The following ATAD2B variants were observed in gnomAD, a reference collection of about 807,000 sequenced individuals.
ATAD2B encodes ATPase family AAA domain-containing protein 2B.
In ATAD2B, 40 loss-of-function variants were observed where a neutral mutation model predicts 167.6. That is an observed-to-expected ratio of 0.24 (90% CI 0.19 to 0.31). The LOEUF is 0.31. Ranked by LOEUF, ATAD2B falls within the 10% of genes least tolerant of loss-of-function variation. The probability of loss-of-function intolerance (pLI) is 1.00; values close to 1 mark genes in which losing one functional copy is unlikely to be tolerated. For missense variants in ATAD2B, 1,242 were observed against 1,757.2 expected, an observed-to-expected ratio of 0.71 and a Z score of 5.24; for synonymous variants, 579 against 596.5, an observed-to-expected ratio of 0.97 and a Z score of 0.43.
intron 19 of ATAD2B, among the ~76,000 whole-genome samples, chr2:23,793,284 T>C (rs912304010): frequency 9.2e-5 from 14 of 152,354 alleles, no homozygotes; most frequent in East Asian, 3.9e-4. Flanking sequence ...TACTGAATTA[T>C]ATAATCTTAA....
intron 22 of ATAD2B, among the ~76,000 whole-genome samples, chr2:23,768,302 GGTA>G (rs1167312543): frequency 1.3e-5 from 2 of 152,100 alleles, no homozygotes; most frequent in Non-Finnish European, 2.9e-5. Flanking sequence ...GGGAGGGAAA[GGTA>G]GTAGGACTGC....
intron 17 of ATAD2B, among the ~76,000 whole-genome samples, chr2:23,815,913 T>C (rs1226007053): frequency 1.3e-5 from 2 of 152,196 alleles, no homozygotes; most frequent in Non-Finnish European, 2.9e-5. Context: ...ACATTTATTA[T>C]TTTACTGAAT....
the ATAD2B span, chr2:23,688,852 G>C: frequency 6.6e-6 from 1 of 152,320 alleles, no homozygotes; most frequent in Non-Finnish European, 1.5e-5. Context: ...GAAATGGCTT[G>C]GGGCAGGGAC....
chr2:23,708,950 C>T, the ATAD2B span, among the ~76,000 whole-genome samples: 4 of 152,250 alleles, frequency 2.6e-5, no homozygotes, highest in Admixed American at 6.5e-5. Context: ...CTTAGAGCCA[C>T]ATGGCAAGTC....
chr2:23,830,810 A>T (rs1371684763), intron 14 of ATAD2B, among the ~76,000 whole-genome samples: 1 of 152,056 alleles, frequency 6.6e-6, no homozygotes, highest in Non-Finnish European at 1.5e-5. Flanking sequence ...CAGCACAGGC[A>T]GTGTGCTGCT....
rs142524537 is a variant in ATAD2B, at chr2:23,826,258, T to C, written c.1819+2591A>G. ...CATACTTCCTTCTAAAACTTTAAAA[T>C]TGCATCATAACCATGGCTAAATGGG... On this transcript the variant is annotated intron_variant, in intron 15 of 27. Coordinates refer to ENST00000238789, the MANE Select transcript of ATAD2B (RefSeq NM_017552.4). Among the ~76,000 whole-genome samples the C allele has an allele frequency of 1.7e-4, 26 of 152,306 alleles. No individual in the cohort carries two copies. The East Asian group carries it at 2.5e-3, about 15-fold the overall frequency.
At chr2:23,808,772 A>G (rs755567304) in intron 18 of ATAD2B, among the ~76,000 whole-genome samples, 1 of 152,080 alleles carries the variant, frequency 6.6e-6, no homozygotes, top group African/African-American at 2.4e-5. Flanking sequence ...TAGTAATGTT[A>G]TATTATTCTT....
At chr2:23,775,796 G>A (rs1442226397) in intron 22 of ATAD2B, among the ~76,000 whole-genome samples, 1 of 152,004 alleles carries the variant, frequency 6.6e-6, no homozygotes, top group South Asian at 2.1e-4. Context: ...ACTCCTCTAC[G>A]ATGATGACTC....
At chr2:23,687,748 G>A in the ATAD2B span, among the ~76,000 whole-genome samples, 23 of 152,332 alleles carry the variant, frequency 1.5e-4, no homozygotes, top group African/African-American at 5.3e-4. Context: ...GAGCAAGGTC[G>A]AAAGGCGGGA....
chr2:23,758,469 T>G (rs1049226110), intron 24 of ATAD2B, among the ~76,000 whole-genome samples: 2 of 152,234 alleles, frequency 1.3e-5, no homozygotes, highest in African/African-American at 4.8e-5. Flanking sequence ...CCAGAAAGTT[T>G]GGGGCCAAAG....
At chr2:23,711,338 CTTTCTTTTTTTTTTT>C in the ATAD2B span, among the ~76,000 whole-genome samples, 1 of 45,622 alleles carries the variant, frequency 2.2e-5, no homozygotes, top group Non-Finnish European at 3.8e-5. Context: ...CACAGAATTT[CTTTCTTTTTTTTTTT>C]TTTTTTTTTT....
chr2:23,909,402 T>C (rs72796316), intron 1 of ATAD2B, among the ~76,000 whole-genome samples: 18,504 of 151,068 alleles, frequency 0.12, 1,219 homozygotes, highest in Middle Eastern at 0.22. Context: ...AAGTGAGACA[T>C]TGCCTCCAAA....
chr2:23,733,253 A>G, the ATAD2B span, among the ~76,000 whole-genome samples: 132,150 of 152,166 alleles, frequency 0.87, 58,470 homozygotes, highest in East Asian at 1. Context: ...CACATCTCCT[A>G]GCAGCATTTT....
chr2:23,757,551 T>A lies in ATAD2B; in HGVS notation c.3945A>T (p.Lys1315Asn), dbSNP rs1020922391. ...EQKILLEDQS[K>N]EKPETSTENH... is the part of the protein sequence containing the mutation. ...TTTCAGTCGAAGTTTCTGGTTTTTCTTTTGACTGGTCCTCCAGAAGAATCT... is the reference window on the plus strand; with the variant it reads ...TTTCAGTCGAAGTTTCTGGTTTTTCATTTGACTGGTCCTCCAGAAGAATCT... Residue 1315 changes from lysine to asparagine, a missense_variant, in exon 25 of 28, where the codon AAA becomes AAT. Around this residue, in one of 9 missense-constraint regions of ATAD2B, gnomAD observed 282 missense variants for 346.8 expected, o/e 0.81. Coordinates refer to ENST00000238789, the MANE Select transcript of ATAD2B (RefSeq NM_017552.4). The A allele has an allele frequency of 6.2e-7, 1 of 1,600,256 alleles. No individual in the cohort carries two copies.
At chr2:23,833,598 A>C (rs1393179984) in intron 14 of ATAD2B, among the ~76,000 whole-genome samples, 1 of 152,196 alleles carries the variant, frequency 6.6e-6, no homozygotes, top group East Asian at 1.9e-4. Context: ...ATTTTATGAG[A>C]ATAAAGTTAC....
At chr2:23,791,407 T>A (rs1681693468) in intron 19 of ATAD2B, among the ~76,000 whole-genome samples, 1 of 152,140 alleles carries the variant, frequency 6.6e-6, no homozygotes, top group Non-Finnish European at 1.5e-5. Context: ...AGTTTCTATA[T>A]CCTTGCCAAT....
At chr2:23,810,552 CAAATATG>C in intron 17 of ATAD2B, 50 bp from the exon 18 acceptor site, 3 of 1,469,276 alleles carry the variant, frequency 2.0e-6, no homozygotes, top group Non-Finnish European at 2.8e-6. Flanking sequence ...ATTCTGAAGA[CAAATATG>C]AAATATCAGG....
At chr2:23,859,806 C>T (rs1351566621) in intron 12 of ATAD2B, among the ~76,000 whole-genome samples, 4 of 150,632 alleles carry the variant, frequency 2.7e-5, no homozygotes, top group South Asian at 2.1e-4. Context: ...AAATTAGCCA[C>T]GCGTGGCGGG....
At chr2:23,866,469 A>T (rs948359572) in intron 10 of ATAD2B, among the ~76,000 whole-genome samples, 3 of 152,232 alleles carry the variant, frequency 2.0e-5, no homozygotes, top group Admixed American at 1.3e-4. Flanking sequence ...AGTTTACTAG[A>T]TTCATCTGTA....
Sources: gnomAD v4.1 joint callset for allele counts (sites outside exome capture counted in the v4.1 genomes callset) on GRCh38, gnomAD v4.1.1 for gene constraint, gnomAD v4.1.1 regional missense constraint, MANE v1.5 for transcripts, NCBI Gene and HGNC (gene_info 2026-07-23, HGNC 2026-07-21) for gene names.